RAB38: variants seen among roughly 807,000 people sequenced by gnomAD.
RAB38 encodes RAB38, member RAS oncogene family.
A neutral mutation model predicts 18.4 loss-of-function variants in RAB38; 15 were observed. The observed-to-expected ratio is 0.82, with a 90% CI of 0.55 to 1.26. The LOEUF (loss-of-function observed/expected upper bound fraction) is 1.26, where lower values mean the gene tolerates loss of function less well. RAB38 is among the 50% of genes most tolerant of loss of function. The probability of loss-of-function intolerance (pLI) is 0.00; values close to 1 mark genes in which losing one functional copy is unlikely to be tolerated. For missense variants in RAB38, 294 were observed against 267.4 expected, an observed-to-expected ratio of 1.10 and a Z score of -0.69; for synonymous variants, 101 against 104.4, an observed-to-expected ratio of 0.97 and a Z score of 0.20.
At chr11:87,938,866 A>G in the RAB38 span, among the ~76,000 whole-genome samples, 6 of 151,652 alleles carry the variant, frequency 4.0e-5, no homozygotes, top group Non-Finnish European at 7.4e-5. Context: ...TACCTTTCAG[A>G]GTATTACTAT....
At chr11:87,953,899 C>T in the RAB38 span, among the ~76,000 whole-genome samples, 2 of 149,012 alleles carry the variant, frequency 1.3e-5, no homozygotes, top group East Asian at 2.0e-4. Flanking sequence ...TGAACAATTT[C>T]GTTAGCTATT....
At chr11:87,851,125 A>C in the RAB38 span, among the ~76,000 whole-genome samples, 58 of 152,254 alleles carry the variant, frequency 3.8e-4, 2 homozygotes, top group African/African-American at 1.3e-3. Flanking sequence ...CTTTTACAGG[A>C]GTTACCTACA....
the RAB38 span, among the ~76,000 whole-genome samples, chr11:88,036,044 G>A: frequency 6.6e-6 from 1 of 152,058 alleles, no homozygotes; most frequent in Non-Finnish European, 1.5e-5. Flanking sequence ...GTTCTTAGTT[G>A]TAATACTAGT....
the RAB38 span, among the ~76,000 whole-genome samples, chr11:87,895,436 A>C: frequency 1.3e-5 from 2 of 151,748 alleles, no homozygotes; most frequent in South Asian, 4.1e-4. Flanking sequence ...TTTGCTTTGG[A>C]GAGCAAGAGA....
At chr11:88,150,041 C>G in intron 1 of RAB38, 86 bp from the exon 2 acceptor site, 3 of 1,367,234 alleles carry the variant, frequency 2.2e-6, no homozygotes, top group Non-Finnish European at 3.0e-6. Context: ...CCAAGATGAG[C>G]AAGTCAATCA....
At chr11:88,027,422 T>G in the RAB38 span, among the ~76,000 whole-genome samples, 3 of 152,140 alleles carry the variant, frequency 2.0e-5, no homozygotes, top group Non-Finnish European at 4.4e-5. Flanking sequence ...GGTGAGGCAT[T>G]GCCTCACCTG....
the RAB38 span, among the ~76,000 whole-genome samples, chr11:88,030,541 G>C: frequency 1.3e-5 from 2 of 152,248 alleles, no homozygotes; most frequent in African/African-American, 2.4e-5. Flanking sequence ...AAATGATAAA[G>C]AGGATATAAC....
At chr11:88,165,986 A>G (rs1245063508) in intron 1 of RAB38, 1 of 152,076 alleles carries the variant, frequency 6.6e-6, no homozygotes, top group East Asian at 1.9e-4. Flanking sequence ...TACTACTGAC[A>G]GAGAGAACTA....
At chr11:88,030,836 C>G in the RAB38 span, among the ~76,000 whole-genome samples, 1 of 152,020 alleles carries the variant, frequency 6.6e-6, no homozygotes, top group Admixed American at 6.5e-5. Context: ...TGAAACTATT[C>G]CAATCAATAG....
the RAB38 span, among the ~76,000 whole-genome samples, chr11:87,977,864 T>G: frequency 9.1e-6 from 1 of 110,152 alleles, no homozygotes; most frequent in Non-Finnish European, 1.7e-5. Flanking sequence ...GTAATATACT[T>G]ACAAATATAT....
the RAB38 span, among the ~76,000 whole-genome samples, chr11:88,029,381 A>G: frequency 6.6e-6 from 1 of 151,714 alleles, no homozygotes; most frequent in Non-Finnish European, 1.5e-5. Flanking sequence ...ACATAACAAT[A>G]TTAACTTTAA....
At chr11:87,878,204 C>CATATAT in the RAB38 span, among the ~76,000 whole-genome samples, 12 of 98,242 alleles carry the variant, frequency 1.2e-4, no homozygotes, top group African/African-American at 6.1e-4. Flanking sequence ...ATGTGCTAAA[C>CATATAT]ATATATATAT....
the RAB38 span, among the ~76,000 whole-genome samples, chr11:87,960,394 A>AAG: frequency 3.7e-3 from 561 of 151,854 alleles, 3 homozygotes; most frequent in African/African-American, 0.012. Context: ...AAAAGAAAAA[A>AAG]AGAGAGAAAT....
the RAB38 span, among the ~76,000 whole-genome samples, chr11:87,868,871 A>G: frequency 1.1e-4 from 17 of 151,654 alleles, 1 homozygote; most frequent in Middle Eastern, 0.01. Context: ...GGCCTGTTTC[A>G]TTCCTACCTT....
chr11:88,118,930 G>C (rs1942594063), intron 2 of RAB38, among the ~76,000 whole-genome samples: 1 of 152,078 alleles, frequency 6.6e-6, no homozygotes, highest in Non-Finnish European at 1.5e-5. Flanking sequence ...ATATTTTAAA[G>C]GTAAGGGAGC....
chr11:88,141,296 G>A (rs1942909357), intron 2 of RAB38, among the ~76,000 whole-genome samples: 1 of 152,072 alleles, frequency 6.6e-6, no homozygotes, highest in Non-Finnish European at 1.5e-5. Context: ...AGATATGTTT[G>A]ATTATCACAA....
the RAB38 span, among the ~76,000 whole-genome samples, chr11:88,021,853 C>CA: frequency 0.69 from 83,133 of 120,146 alleles, 29,066 homozygotes; most frequent in East Asian, 0.76. Context: ...AACTCCATCT[C>CA]AAAAAAAAAA....
the RAB38 span, among the ~76,000 whole-genome samples, chr11:87,946,476 GTGTGCTGCACCCATTAACTCCTCATTT>G: frequency 3.3e-5 from 5 of 152,058 alleles, no homozygotes; most frequent in African/African-American, 1.2e-4. Context: ...TGCCATGTTG[GTGTGCTGCACCCATTAACTCCTCATTT>G]AGCATTAGGC....
the RAB38 span, among the ~76,000 whole-genome samples, chr11:88,041,465 GT>G: frequency 6.6e-6 from 1 of 152,140 alleles, no homozygotes; most frequent in South Asian, 2.1e-4. Context: ...TTTGTTACAC[GT>G]TTTACCCAAA....
Sources: allele counts gnomAD v4.1 joint callset (sites outside exome capture counted in the v4.1 genomes callset), GRCh38; gene constraint gnomAD v4.1.1; transcripts MANE v1.5; gene names NCBI Gene and HGNC (gene_info 2026-07-23, HGNC 2026-07-21).